The following ARHGEF7 variants were observed in gnomAD, a reference collection of about 807,000 sequenced individuals.
ARHGEF7 encodes the protein Rho guanine nucleotide exchange factor 7.
In ARHGEF7, 33 loss-of-function variants were observed where a neutral mutation model predicts 109.8. The observed-to-expected ratio is 0.30, with a 90% confidence interval of 0.23 to 0.40. ARHGEF7 has a LOEUF of 0.40. Ranked by LOEUF, ARHGEF7 falls within the 10% of genes least tolerant of loss-of-function variation. The pLI, the probability that ARHGEF7 is intolerant of heterozygous loss-of-function variation, is 1.00. For synonymous variants in ARHGEF7, 458 were observed against 424.6 expected, an observed-to-expected ratio of 1.08 and a Z score of -0.97; for missense variants, 938 against 1,098.5, an observed-to-expected ratio of 0.85 and a Z score of 2.07.
chr13:111,216,967 G>A (rs1176491265), intron 4 of ARHGEF7, among the ~76,000 whole-genome samples: 1 of 152,218 alleles, frequency 6.6e-6, no homozygotes, highest in Non-Finnish European at 1.5e-5. Flanking sequence ...AAAATACGAG[G>A]TACTGTTTCT....
intron 2 of ARHGEF7, among the ~76,000 whole-genome samples, chr13:111,157,403 G>A (rs894344133): frequency 6.6e-6 from 1 of 151,760 alleles, no homozygotes; most frequent in African/African-American, 2.4e-5. Context: ...ATGTTGGCTG[G>A]GTGCAGTGGC....
intron 2 of ARHGEF7, among the ~76,000 whole-genome samples, chr13:111,183,854 C>A (rs937691756): frequency 2.0e-5 from 3 of 152,144 alleles, no homozygotes; most frequent in African/African-American, 7.2e-5. Flanking sequence ...TTAGACTTCT[C>A]TCCTGTGTAA....
intron 6 of ARHGEF7, among the ~76,000 whole-genome samples, chr13:111,242,676 G>T (rs752539388): frequency 4.6e-5 from 7 of 152,218 alleles, no homozygotes; most frequent in Non-Finnish European, 8.8e-5. Context: ...GATCCTCAGC[G>T]TGCTCCTCAG....
chr13:111,154,053 G>C, intron 2 of ARHGEF7, 62 bp downstream of exon 2: 1 of 1,487,264 alleles, frequency 6.7e-7, no homozygotes, highest in Non-Finnish European at 9.0e-7. Flanking sequence ...GCCCGGGGTG[G>C]GTGCTTCGCT....
intron 8 of ARHGEF7, among the ~76,000 whole-genome samples, chr13:111,249,815 C>T (rs191374942): frequency 1.8e-3 from 272 of 152,208 alleles, no homozygotes; most frequent in African/African-American, 6.3e-3. Flanking sequence ...GTTGTGGGCA[C>T]CTGGCGTATG....
At chr13:111,282,690 T>C in intron 15 of ARHGEF7, 1 of 175,590 alleles carries the variant, frequency 5.7e-6, no homozygotes, top group Non-Finnish European at 1.2e-5. Context: ...GATCAGGCCT[T>C]AGTTTCGCCC....
At chr13:111,246,389 TC>T (rs1043295037) in intron 8 of ARHGEF7, among the ~76,000 whole-genome samples, 1 of 152,220 alleles carries the variant, frequency 6.6e-6, no homozygotes, top group Non-Finnish European at 1.5e-5. Context: ...GGAGTGGCCT[TC>T]CTTCTGTGCC....
intron 5 of ARHGEF7, among the ~76,000 whole-genome samples, chr13:111,220,567 G>C (rs925849874): frequency 6.6e-6 from 1 of 152,164 alleles, no homozygotes; most frequent in Admixed American, 6.5e-5. Context: ...AGACACATTT[G>C]AATGTCGTCA....
intron 2 of ARHGEF7, among the ~76,000 whole-genome samples, chr13:111,204,501 GCT>G (rs2081548319): frequency 6.6e-6 from 1 of 152,186 alleles, no homozygotes; most frequent in Non-Finnish European, 1.5e-5. Flanking sequence ...TGAGATGAGA[GCT>G]CTGTTTGTTT....
rs548578328 is a variant in ARHGEF7 at position 111,302,575 on chromosome 13, T to A, written c.2467-416T>A. Among the ~76,000 whole-genome samples, 5 of 152,346 alleles carry A rather than the reference T, an allele frequency of 3.3e-5. No individual in the cohort carries two copies. In the East Asian group the frequency reaches 9.6e-4, roughly 29 times the overall value. On this transcript the variant is annotated intron_variant, in intron 21 of 21. Coordinates refer to ENST00000646102, the MANE Select transcript of ARHGEF7 (RefSeq NM_001354046.2). ...CGTCCGAGACATGCCTGGGTTCAGCTGCACAGAGCAGGTGCTCGCCCACTT... is the reference window on the plus strand; with the variant it reads ...CGTCCGAGACATGCCTGGGTTCAGCAGCACAGAGCAGGTGCTCGCCCACTT...
intron 1 of ARHGEF7, among the ~76,000 whole-genome samples, chr13:111,136,827 A>G (rs2075109905): frequency 1.3e-5 from 2 of 152,236 alleles, no homozygotes; most frequent in African/African-American, 2.4e-5. Flanking sequence ...GAAAAGATCA[A>G]CAAAATTGAT....
intron 8 of ARHGEF7, among the ~76,000 whole-genome samples, chr13:111,259,381 A>T (rs991680500): frequency 3.3e-5 from 5 of 151,806 alleles, no homozygotes; most frequent in Non-Finnish European, 5.9e-5. Context: ...TACTCATCTC[A>T]CACACACACA....
In ARHGEF7 at chr13:111,160,479, T is replaced by G. The variant is rs189268493; in HGVS notation, c.252+6488T>G. On this transcript the variant is annotated intron_variant, in intron 2 of 21. Coordinates refer to ENST00000646102, the MANE Select transcript of ARHGEF7 (RefSeq NM_001354046.2). ...AGTACAGGTTAAGCATGCTGACTGA[T>G]ACGGTTTGCCTGTGTCCACACCCAG... Among the ~76,000 whole-genome samples, 15 of 152,332 alleles carry G rather than the reference T, an allele frequency of 9.8e-5. No homozygotes were observed. The East Asian group carries it at 2.9e-3, about 29-fold the overall frequency.
At chr13:111,293,131 C>T in intron 19 of ARHGEF7, 2 of 985,444 alleles carry the variant, frequency 2.0e-6, no homozygotes, top group Non-Finnish European at 2.4e-6. Context: ...AATCTCTACA[C>T]TAACAGTTTA....
rs375175587 is a variant in ARHGEF7, at chr13:111,137,444, T to C, written c.166-16461T>C. On this transcript the variant is annotated intron_variant, in intron 1 of 21. Transcript: ENST00000646102. Reference sequence around the variant, plus strand: ...CTCACCTGGGCGTCTTTTCCGTGCGTGGCACAGGCTGCTCACTCACCTTGG... The same window carrying C: ...CTCACCTGGGCGTCTTTTCCGTGCGCGGCACAGGCTGCTCACTCACCTTGG... Among the ~76,000 whole-genome samples the C allele has an allele frequency of 3.9e-5, 6 of 152,238 alleles. No homozygotes were observed. The East Asian group carries it at 1.2e-3, about 29-fold the overall frequency.
At chr13:111,126,989 G>A (rs142863787) in intron 1 of ARHGEF7, among the ~76,000 whole-genome samples, 54 of 152,328 alleles carry the variant, frequency 3.5e-4, no homozygotes, top group Admixed American at 6.5e-4. Flanking sequence ...AAACTGAAAG[G>A]TGGTTATTTG....
At chr13:111,286,337 G>GACT in intron 17 of ARHGEF7, 97 bp downstream of exon 17, 1 of 988,048 alleles carries the variant, frequency 1.0e-6, no homozygotes, top group Non-Finnish European at 1.6e-6. Flanking sequence ...GCTTTCTGAA[G>GACT]ACTCCAAACA....
intron 16 of ARHGEF7, among the ~76,000 whole-genome samples, chr13:111,285,523 A>C (rs2092981855): frequency 6.6e-6 from 1 of 151,998 alleles, no homozygotes; most frequent in Admixed American, 6.6e-5. Context: ...AAGCTGTTTG[A>C]AGAGGTAAGG....
chr13:111,266,874 T>G lies in ARHGEF7; in HGVS notation c.951-674T>G, dbSNP rs2091691953. ...TGTTGCTGTTGTCCTTCAGAAACTC[T>G]GAGGTCTGGAGAGGTGAGCGTGTAC... On this transcript the variant is annotated intron_variant, in intron 8 of 21. Transcript: ENST00000646102. This position sits in a 1 kb window ranked among gnomAD's most constrained non-coding sequence, Gnocchi z 4.8. The G allele has an allele frequency of 2.2e-6, 1 of 455,974 alleles. No individual in the cohort carries two copies. The highest frequency in any genetic ancestry group is 4.4e-6 in the Non-Finnish European group (1 of 226,814). The allele number at this position is 455,974 out of a possible 1,614,324, so 28.2% of individuals were successfully genotyped here. A position where few individuals can be genotyped will look rare whatever the true frequency, so the allele number is the denominator to read the frequency against.
Sources: gnomAD v4.1 joint callset for allele counts (sites outside exome capture counted in the v4.1 genomes callset) on GRCh38, gnomAD v4.1.1 for gene constraint, Gnocchi (gnomAD v3.1) non-coding constraint, MANE v1.5 for transcripts, NCBI Gene and HGNC (gene_info 2026-07-23, HGNC 2026-07-21) for gene names.